BABAM2: variants seen among roughly 807,000 people sequenced by gnomAD.
BABAM2 encodes BRISC and BRCA1 A complex member 2.
BABAM2 carries 31 observed loss-of-function variants against 54.7 expected under a neutral mutation model. That is an observed-to-expected ratio of 0.57 (90% confidence interval 0.43 to 0.77). The LOEUF is 0.77. Among genes scored for constraint, BABAM2 ranks in the 30% least tolerant of loss-of-function variants. The pLI is 0.00. For synonymous variants in BABAM2, 167 were observed against 162.9 expected (o/e 1.03, Z -0.19); for missense variants, 364 against 455.8 (o/e 0.80, Z 1.83).
chr2:27,896,075 A>C (rs1238812579), intron 2 of BABAM2: 1 of 151,860 alleles, frequency 6.6e-6, no homozygotes, highest in Non-Finnish European at 1.5e-5. Flanking sequence ...GATGGAGGAA[A>C]TTTCACTGGA....
chr2:27,925,593 C>G (rs1029680378), intron 2 of BABAM2, among the ~76,000 whole-genome samples: 1 of 152,118 alleles, frequency 6.6e-6, no homozygotes, highest in Non-Finnish European at 1.5e-5. Flanking sequence ...TTCCTACAAC[C>G]CTTAGAGGTT....
chr2:28,041,337 C>G (rs915234209), intron 5 of BABAM2, among the ~76,000 whole-genome samples: 1 of 152,172 alleles, frequency 6.6e-6, no homozygotes, highest in Non-Finnish European at 1.5e-5. Context: ...GCTTTATAAA[C>G]TGAAAATGAA....
chr2:28,316,614 A>G (rs539557810), intron 11 of BABAM2, among the ~76,000 whole-genome samples: 12 of 152,296 alleles, frequency 7.9e-5, no homozygotes, highest in South Asian at 2.1e-4. Flanking sequence ...TAGAATGAAG[A>G]CAGCCTTTGT....
intron 7 of BABAM2, among the ~76,000 whole-genome samples, chr2:28,196,764 G>T (rs1677604146): frequency 6.7e-6 from 1 of 149,886 alleles, no homozygotes. Flanking sequence ...TAGAAGGATT[G>T]CTGGAGCCCA....
chr2:28,081,232 C>A (rs1665144623), intron 6 of BABAM2, among the ~76,000 whole-genome samples: 1 of 152,120 alleles, frequency 6.6e-6, no homozygotes, highest in Non-Finnish European at 1.5e-5. Context: ...ATGTAACTCT[C>A]CCCAGGGCAA....
At chr2:27,949,988 T>A (rs1012312368) in intron 3 of BABAM2, among the ~76,000 whole-genome samples, 1 of 152,204 alleles carries the variant, frequency 6.6e-6, no homozygotes, top group Non-Finnish European at 1.5e-5. Context: ...ATTTTCTGGC[T>A]TGTGGAGATA....
intron 3 of BABAM2, among the ~76,000 whole-genome samples, chr2:27,969,045 A>G (rs1303188674): frequency 1.3e-5 from 2 of 152,116 alleles, no homozygotes; most frequent in Non-Finnish European, 2.9e-5. Flanking sequence ...AGGTAATTGA[A>G]TTGTGGGGGT....
At chr2:27,973,227 T>G (rs1671352708) in intron 3 of BABAM2, among the ~76,000 whole-genome samples, 4 of 152,154 alleles carry the variant, frequency 2.6e-5, no homozygotes, top group Admixed American at 2.6e-4. Flanking sequence ...TAAGAAGAAT[T>G]AAAAACTCAA....
chr2:28,106,507 G>A (rs940008387), intron 6 of BABAM2, among the ~76,000 whole-genome samples: 2 of 152,248 alleles, frequency 1.3e-5, no homozygotes, highest in South Asian at 2.1e-4. Context: ...AAGATTATAG[G>A]CCAGTTATGT....
intron 3 of BABAM2, among the ~76,000 whole-genome samples, chr2:27,943,419 G>A (rs967598158): frequency 2.6e-5 from 4 of 152,150 alleles, no homozygotes; most frequent in Non-Finnish European, 5.9e-5. Context: ...CAAATACCCT[G>A]CCTTCCTTTC....
chr2:27,949,694 G>A (rs1017282306), intron 3 of BABAM2, among the ~76,000 whole-genome samples: 13 of 152,126 alleles, frequency 8.5e-5, no homozygotes, highest in African/African-American at 3.1e-4. Context: ...CAAACAGAAG[G>A]TCATTCAACT....
At chr2:28,331,469 T>C (rs911086715) in intron 11 of BABAM2, among the ~76,000 whole-genome samples, 18 of 151,912 alleles carry the variant, frequency 1.2e-4, no homozygotes, top group African/African-American at 3.9e-4. Flanking sequence ...TAAACAAATT[T>C]ATAGGAAAAA....
intron 11 of BABAM2, among the ~76,000 whole-genome samples, chr2:28,332,795 G>A (rs1691079207): frequency 6.6e-6 from 1 of 152,210 alleles, no homozygotes; most frequent in Non-Finnish European, 1.5e-5. Context: ...AGGTGCCTCT[G>A]GCTACAGAAT....
chr2:28,237,319 A>G lies in BABAM2; in HGVS notation c.780+18A>G. ...CCAACAAGGTAAAAGCAAGTCCCCA[A>G]CTCATCCCTCTTATGAGATTTCTTC... On this transcript the variant is annotated intron_variant, in intron 8 of 11. Transcript: ENST00000379624. 5.7e-6 allele frequency: 9 copies of G among 1,589,976 alleles called. No homozygotes were observed. Among genetic ancestry groups the G allele is most frequent in the Non-Finnish European group, 7.8e-6 (9 of 1,158,962 alleles).
At chr2:28,098,293 A>T (rs891307366) in intron 6 of BABAM2, among the ~76,000 whole-genome samples, 3 of 152,100 alleles carry the variant, frequency 2.0e-5, no homozygotes, top group Non-Finnish European at 4.4e-5. Context: ...CATTTATTGA[A>T]TTTTTGTCAG....
chr2:28,175,694 T>A (rs1046074086), intron 7 of BABAM2, among the ~76,000 whole-genome samples: 1 of 152,244 alleles, frequency 6.6e-6, no homozygotes, highest in Non-Finnish European at 1.5e-5. Flanking sequence ...CTATGCATGC[T>A]GCCTAAGAGT....
intron 10 of BABAM2, among the ~76,000 whole-genome samples, chr2:28,248,861 C>T (rs1683155230): frequency 6.6e-6 from 1 of 152,156 alleles, no homozygotes. Context: ...TTGTTTTCCT[C>T]TACCTCCAAC....
chr2:28,083,315 A>G (rs1665345908), intron 6 of BABAM2, among the ~76,000 whole-genome samples: 1 of 152,142 alleles, frequency 6.6e-6, no homozygotes. Context: ...CTACTTCAGT[A>G]CCACCTCCTC....
intron 4 of BABAM2, among the ~76,000 whole-genome samples, chr2:28,020,961 A>T (rs1157222353): frequency 6.6e-6 from 1 of 150,516 alleles, no homozygotes; most frequent in Non-Finnish European, 1.5e-5. Context: ...TGACACACAC[A>T]CACACACACA....
Sources: gnomAD v4.1 joint callset for allele counts (sites outside exome capture counted in the v4.1 genomes callset) on GRCh38, gnomAD v4.1.1 for gene constraint, MANE v1.5 for transcripts, NCBI Gene and HGNC (gene_info 2026-07-23, HGNC 2026-07-21) for gene names.